Variants in GRID2 observed in about 807,000 individuals in gnomAD.
The protein encoded by GRID2 is glutamate receptor ionotropic, delta-2.
A neutral mutation model predicts 114.8 loss-of-function variants in GRID2; 33 were observed. The observed-to-expected ratio is 0.29, with a 90% CI of 0.22 to 0.38. The LOEUF (loss-of-function observed/expected upper bound fraction) is 0.38, where lower values mean the gene tolerates loss of function less well. Among genes scored for constraint, GRID2 ranks in the 10% least tolerant of loss-of-function variants. GRID2 has a pLI of 1.00. For synonymous variants in GRID2, 505 were observed against 449.9 expected (o/e 1.12, Z -1.55); for missense variants, 1,184 against 1,257.7 (o/e 0.94, Z 0.89).
chr4:92,779,208 G>T (rs1738952425), intron 2 of GRID2, among the ~76,000 whole-genome samples: 1 of 151,240 alleles, frequency 6.6e-6, no homozygotes, highest in South Asian at 2.1e-4. Flanking sequence ...GTGTGTGTGT[G>T]TATGTGTGTG....
chr4:92,713,470 C>CATATATATATATAT (rs1220909062), intron 2 of GRID2, among the ~76,000 whole-genome samples: 1 of 74,878 alleles, frequency 1.3e-5, no homozygotes, highest in Non-Finnish European at 2.6e-5. Context: ...TTTACATATA[C>CATATATATATATAT]ATATACATAT....
At chr4:92,330,771 A>G (rs1726845345) in intron 1 of GRID2, among the ~76,000 whole-genome samples, 1 of 152,072 alleles carries the variant, frequency 6.6e-6, no homozygotes. Flanking sequence ...TGTGAATTAC[A>G]GTGGAAATTC....
intron 2 of GRID2, among the ~76,000 whole-genome samples, chr4:92,808,485 A>G (rs759565720): frequency 5.3e-5 from 8 of 152,104 alleles, no homozygotes; most frequent in Non-Finnish European, 1.2e-4. Flanking sequence ...TTAGAAATAA[A>G]CATGTTTAGG....
chr4:93,034,221 G>A (rs1724704666), intron 2 of GRID2, among the ~76,000 whole-genome samples: 1 of 152,168 alleles, frequency 6.6e-6, no homozygotes, highest in African/African-American at 2.4e-5. Flanking sequence ...AGACAGATGG[G>A]AAGAAAACTC....
intron 2 of GRID2, among the ~76,000 whole-genome samples, chr4:92,948,543 CTTAT>C (rs1751810021): frequency 6.6e-6 from 1 of 151,686 alleles, no homozygotes; most frequent in Non-Finnish European, 1.5e-5. Flanking sequence ...TTAAGAATGA[CTTAT>C]TTAAACTCAT....
At chr4:93,649,076 T>A (rs1391725149) in intron 14 of GRID2, among the ~76,000 whole-genome samples, 1 of 152,132 alleles carries the variant, frequency 6.6e-6, no homozygotes, top group Non-Finnish European at 1.5e-5. Context: ...ATTCCCCAAT[T>A]CCACTTATTT....
intron 1 of GRID2, among the ~76,000 whole-genome samples, chr4:92,487,577 T>TTTAGA (rs1722954774): frequency 2.6e-5 from 4 of 152,206 alleles, no homozygotes; most frequent in Admixed American, 2.6e-4. Flanking sequence ...ATAACTACAT[T>TTTAGA]GTCTTTGTCT....
chr4:93,678,171 G>A (rs565459108), intron 14 of GRID2, among the ~76,000 whole-genome samples: 1 of 152,124 alleles, frequency 6.6e-6, no homozygotes, highest in East Asian at 1.9e-4. Context: ...GGAAGAAAGG[G>A]TATCAGTGAT....
chr4:92,814,958 C>T (rs1740821517), intron 2 of GRID2, among the ~76,000 whole-genome samples: 2 of 152,044 alleles, frequency 1.3e-5, no homozygotes, highest in Admixed American at 6.6e-5. Flanking sequence ...TGCAAGTTCA[C>T]AAGGGAGAAA....
intron 4 of GRID2, among the ~76,000 whole-genome samples, chr4:93,167,762 A>C (rs1460585207): frequency 1.3e-5 from 2 of 150,664 alleles, no homozygotes; most frequent in Non-Finnish European, 2.9e-5. Context: ...TGATATTAAG[A>C]AATCATTTTT....
At position 92,566,586 on chromosome 4, in the gene GRID2, T is replaced by G. The variant is rs537135336; in HGVS notation, c.89-23545T>G. On this transcript the variant is annotated intron_variant, in intron 1 of 15. Transcript: ENST00000282020. ...AAATTTTCTTGTCTCTCTATGCTCC[T>G]TACTGTACACTGAGATATTTTTCTA... Among the ~76,000 whole-genome samples the G allele has an allele frequency of 3.3e-5, 5 of 152,122 alleles. No homozygotes were observed. In the East Asian group the frequency reaches 9.7e-4, roughly 29 times the overall value.
intron 1 of GRID2, among the ~76,000 whole-genome samples, chr4:92,425,452 G>C (rs1732110829): frequency 6.6e-6 from 1 of 152,086 alleles, no homozygotes. Context: ...ATTTTAACTT[G>C]CATCACAATA....
intron 1 of GRID2, among the ~76,000 whole-genome samples, chr4:92,367,143 G>A (rs760123798): frequency 1.3e-4 from 20 of 152,082 alleles, no homozygotes; most frequent in Non-Finnish European, 2.6e-4. Context: ...TTGGCACTGT[G>A]TGATTACCTA....
chr4:93,682,702 G>C (rs1049230530), intron 14 of GRID2, among the ~76,000 whole-genome samples: 1 of 148,630 alleles, frequency 6.7e-6, no homozygotes, highest in Non-Finnish European at 1.5e-5. Context: ...AACACCATAT[G>C]TTCTCACTCA....
intron 8 of GRID2, among the ~76,000 whole-genome samples, chr4:93,302,149 A>T (rs1210511741): frequency 1.3e-5 from 2 of 152,182 alleles, no homozygotes; most frequent in Non-Finnish European, 2.9e-5. Flanking sequence ...TTTTGCTTTC[A>T]ACCATTCTTT....
At chr4:93,393,403 G>T (rs1175458255) in intron 8 of GRID2, among the ~76,000 whole-genome samples, 1 of 151,830 alleles carries the variant, frequency 6.6e-6, no homozygotes, top group Non-Finnish European at 1.5e-5. Context: ...GCAGAGGAGA[G>T]AAATTATTGT....
At chr4:92,798,036 A>G (rs1455794707) in intron 2 of GRID2, among the ~76,000 whole-genome samples, 1 of 152,018 alleles carries the variant, frequency 6.6e-6, no homozygotes, top group Non-Finnish European at 1.5e-5. Context: ...TGAATCAAAC[A>G]AAGATAACAT....
chr4:92,706,600 G>A (rs1734969558), intron 2 of GRID2, among the ~76,000 whole-genome samples: 1 of 152,094 alleles, frequency 6.6e-6, no homozygotes, highest in African/African-American at 2.4e-5. Context: ...ATCACAATGT[G>A]GAGGGTGCTA....
At chr4:92,384,865 C>T (rs1023974167) in intron 1 of GRID2, among the ~76,000 whole-genome samples, 4 of 150,018 alleles carry the variant, frequency 2.7e-5, no homozygotes, top group East Asian at 2.0e-4. Context: ...AGATTCACGA[C>T]GCATTCTAGG....
Sources: gnomAD v4.1 joint callset for allele counts (sites outside exome capture counted in the v4.1 genomes callset) on GRCh38, gnomAD v4.1.1 for gene constraint, MANE v1.5 for transcripts, NCBI Gene and HGNC (gene_info 2026-07-23, HGNC 2026-07-21) for gene names.